POLA2: variants seen among roughly 807,000 people sequenced by gnomAD.
The protein encoded by POLA2 is DNA polymerase alpha subunit B.
POLA2 carries 47 observed loss-of-function variants against 82.8 expected under a neutral mutation model. The ratio of observed to expected loss-of-function variants is 0.57; its 90% confidence interval spans 0.45 to 0.72. The LOEUF (loss-of-function observed/expected upper bound fraction) is 0.72, where lower values mean the gene tolerates loss of function less well. Among genes scored for constraint, POLA2 ranks in the 30% least tolerant of loss-of-function variants. POLA2 has a pLI of 0.00. For synonymous variants in POLA2, 287 were observed against 286.8 expected (o/e 1.00, Z -0.01); for missense variants, 634 against 728.1 (o/e 0.87, Z 1.49).
At chr11:65,290,460 C>T (rs1949743246) in intron 13 of POLA2, among the ~76,000 whole-genome samples, 1 of 151,890 alleles carries the variant, frequency 6.6e-6, no homozygotes, top group Non-Finnish European at 1.5e-5. Context: ...CTCTTGAACC[C>T]AGGAGGCAGA....
At chr11:65,267,907 T>C (rs1272430350) in intron 3 of POLA2, among the ~76,000 whole-genome samples, 3 of 151,898 alleles carry the variant, frequency 2.0e-5, no homozygotes, top group Admixed American at 1.3e-4. Flanking sequence ...TTCTCCTGCC[T>C]CAGCCTCCTG....
chr11:65,295,545 C>T lies in POLA2; in HGVS notation c.1466C>T (p.Ser489Phe), dbSNP rs747773230. Residue 489 changes from serine to phenylalanine, a missense_variant, in exon 16 of 18, where the codon TCC becomes TTC. Ser to Phe is a radical substitution (Grantham distance 155, BLOSUM62 -2). Coordinates refer to ENST00000265465, the MANE Select transcript of POLA2 (RefSeq NM_002689.4). Reference protein sequence around the residue: ...HLGAEEISSSSGTSDRFSRIL... With the variant: ...HLGAEEISSSFGTSDRFSRIL... ...TGCTTTCTTTTCTTTCCCAGTTCTT[C>T]CGGAACTTCAGACAGATTCAGCCGA... 6.2e-7 allele frequency: 1 copy of T among 1,613,744 alleles called. No individual in the cohort carries two copies. The highest frequency in any genetic ancestry group is 8.5e-7 in the Non-Finnish European group (1 of 1,179,704).
intron 10 of POLA2, among the ~76,000 whole-genome samples, chr11:65,287,265 C>T (rs768432698): frequency 2.0e-5 from 3 of 152,140 alleles, no homozygotes; most frequent in Admixed American, 6.5e-5. Context: ...TCCCATTCCC[C>T]GGCCTGTCTT....
intron 4 of POLA2, among the ~76,000 whole-genome samples, chr11:65,273,769 C>G (rs533475012): frequency 4.3e-4 from 66 of 151,998 alleles, no homozygotes; most frequent in African/African-American, 1.5e-3. Flanking sequence ...GCTAGGATTA[C>G]AGGCACGAGC....
At chr11:65,302,738 A>AT (rs541841286), downstream of POLA2, among the ~76,000 whole-genome samples, 36 of 149,734 alleles carry the variant, frequency 2.4e-4, no homozygotes, top group South Asian at 7.2e-3. Context: ...TTTTTTTTTT[A>AT]TTTTTTTGGA....
intron 17 of POLA2, 51 bp downstream of exon 17, chr11:65,296,041 C>CTT (rs1325785718): frequency 6.2e-7 from 1 of 1,610,618 alleles, no homozygotes; most frequent in Admixed American, 1.7e-5. Flanking sequence ...CAGTCTTTGA[C>CTT]TTTCCCTTCT....
intron 10 of POLA2, among the ~76,000 whole-genome samples, chr11:65,285,551 GGAGT>G (rs1163875498): frequency 2.0e-5 from 3 of 148,320 alleles, no homozygotes; most frequent in Non-Finnish European, 3.0e-5. Flanking sequence ...CTCCAGCCTA[GGAGT>G]GAGAGTGAGA....
rs1360795179 is a variant in POLA2, at chr11:65,266,626, G to T, written c.124G>T (p.Val42Leu). 2 of 1,614,058 alleles carry T rather than the reference G, an allele frequency of 1.2e-6. No homozygotes were observed. The highest frequency in any genetic ancestry group is 2.2e-5 in the South Asian group (2 of 91,082). Reference sequence around the variant, plus strand: ...GTATGGACAGAATGAGGAGGGAATGGTAGGCGAGCTTATAGCCTTCTGCAC... The same window carrying T: ...GTATGGACAGAATGAGGAGGGAATGTTAGGCGAGCTTATAGCCTTCTGCAC... ...VQYGQNEEGM[V>L]GELIAFCTST... is the part of the protein sequence containing the mutation. The change falls in exon 2 of 18, where the codon GTA (valine) becomes TTA (leucine). Residue 42 changes from valine to leucine, a missense_variant. Transcript: ENST00000265465.
At chr11:65,305,393 A>G (rs983062372) in exon 9 of POLA2, 1 of 456,166 alleles carries the variant, frequency 2.2e-6, no homozygotes, top group African/African-American at 2.0e-5. Context: ...TCAGATGGAC[A>G]AAAATCAAAA....
At chr11:65,269,595 G>A (rs1033329401) in intron 4 of POLA2, among the ~76,000 whole-genome samples, 4 of 152,094 alleles carry the variant, frequency 2.6e-5, no homozygotes, top group African/African-American at 9.7e-5. Context: ...GAAGCTGACA[G>A]CCAGTGCACA....
chr11:65,300,802 G>A (rs1238167113), downstream of POLA2, among the ~76,000 whole-genome samples: 2 of 152,170 alleles, frequency 1.3e-5, no homozygotes, highest in African/African-American at 2.4e-5. Flanking sequence ...GGCTGGTCTC[G>A]AACCACTGAC....
chr11:65,289,889 C>G lies in POLA2; in HGVS notation c.1244+17C>G, dbSNP rs765159507. The G allele has an allele frequency of 6.6e-7, 1 of 1,508,606 alleles. No individual in the cohort carries two copies. Among genetic ancestry groups the G allele is most frequent in the Middle Eastern group, 1.7e-4 (1 of 5,892 alleles). The allele number at this position is 1,508,606 out of a possible 1,614,324, so 93.5% of individuals were successfully genotyped here. The stretch of plus-strand genomic sequence containing the variant: ...CACAAGAAGGTCAGATTTCAAAATA[C>G]TGGACAGAACCTTAAGCTTCTTAGG... On this transcript the variant is annotated intron_variant, in intron 13 of 17. Coordinates refer to ENST00000265465, the MANE Select transcript of POLA2 (RefSeq NM_002689.4).
rs1396179620 is a variant in POLA2 at position 65,295,858 on chromosome 11, C to G, written c.1521-6C>G. On this transcript the variant is annotated splice_region_variant and splice_polypyrimidine_tract_variant and intron_variant, in intron 16 of 17. Transcript: ENST00000265465. Reference sequence around the variant, plus strand: ...TAGTGCTGACAATTTCTCTCTGTCTCTGTAGCTACTACCCACTCTACCCGC... The same window carrying G: ...TAGTGCTGACAATTTCTCTCTGTCTGTGTAGCTACTACCCACTCTACCCGC... 1.2e-6 allele frequency: 2 copies of G among 1,608,480 alleles called. No individual in the cohort carries two copies. Among genetic ancestry groups the G allele is most frequent in the Admixed American group, 1.7e-5 (1 of 59,896 alleles).
chr11:65,274,352 G>A (rs1459924445), intron 4 of POLA2, among the ~76,000 whole-genome samples: 1 of 151,174 alleles, frequency 6.6e-6, no homozygotes, highest in African/African-American at 2.4e-5. Flanking sequence ...GGCAACAAGA[G>A]CGAAGTGAAA....
chr11:65,290,236 G>A (rs531432702), intron 13 of POLA2, among the ~76,000 whole-genome samples: 93 of 115,272 alleles, frequency 8.1e-4, no homozygotes, highest in Admixed American at 1.4e-3. Flanking sequence ...CAAAAAGAGC[G>A]CAACTCCATC....
intron 10 of POLA2, among the ~76,000 whole-genome samples, chr11:65,286,861 G>T (rs1949702768): frequency 6.6e-6 from 1 of 152,170 alleles, no homozygotes; most frequent in South Asian, 2.1e-4. Flanking sequence ...GGAGATCCAG[G>T]TAGCTCACAG....
At chr11:65,299,276 G>A (rs144731661), downstream of POLA2, among the ~76,000 whole-genome samples, 258 of 152,306 alleles carry the variant, frequency 1.7e-3, 1 homozygote, top group African/African-American at 5.6e-3. Flanking sequence ...CCAACTAGAC[G>A]GTCCTGAAGA....
At chr11:65,279,215 CCTT>C (rs1463989291) in intron 6 of POLA2, among the ~76,000 whole-genome samples, 2 of 152,160 alleles carry the variant, frequency 1.3e-5, no homozygotes, top group African/African-American at 2.4e-5. Flanking sequence ...TCGTTAGAAG[CCTT>C]CTTCAGGTTG....
At chr11:65,281,178 G>C (rs760596500) in intron 8 of POLA2, 31 bp downstream of exon 8, 1 of 1,607,410 alleles carries the variant, frequency 6.2e-7, no homozygotes, top group Admixed American at 1.7e-5. Context: ...CCAGAATGCA[G>C]GCGCACTCTT....
Sources: allele counts gnomAD v4.1 joint callset (sites outside exome capture counted in the v4.1 genomes callset), GRCh38; gene constraint gnomAD v4.1.1; transcripts MANE v1.5; gene names NCBI Gene and HGNC (gene_info 2026-07-23, HGNC 2026-07-21).